The following SLC2A13 variants were observed in gnomAD, a reference collection of about 807,000 sequenced individuals.
SLC2A13 encodes the protein solute carrier family 2 member 13.
Under a neutral mutation model 64.4 loss-of-function variants are expected in SLC2A13, and 32 were observed. The ratio of observed to expected loss-of-function variants is 0.50; its 90% CI spans 0.37 to 0.67. The LOEUF is 0.67. Ranked by LOEUF, SLC2A13 falls within the 30% of genes least tolerant of loss-of-function variation. The pLI, the probability that SLC2A13 is intolerant of heterozygous loss-of-function variation, is 0.00. For synonymous variants in SLC2A13, 338 were observed against 327.1 expected (o/e 1.03, Z -0.36); for missense variants, 743 against 829.2 (o/e 0.90, Z 1.28).
chr12:39,852,255 C>A (rs1273669658), intron 6 of SLC2A13, among the ~76,000 whole-genome samples: 1 of 152,208 alleles, frequency 6.6e-6, no homozygotes, highest in African/African-American at 2.4e-5. Flanking sequence ...GGACCCGTCT[C>A]TGGTATTGTT....
intron 1 of SLC2A13, among the ~76,000 whole-genome samples, chr12:40,061,419 T>C (rs1948420019): frequency 1.3e-5 from 2 of 152,020 alleles, no homozygotes; most frequent in African/African-American, 4.8e-5. Flanking sequence ...GCCATATTAA[T>C]CCAGACAACA....
At chr12:40,036,521 T>C (rs568605824) in intron 2 of SLC2A13, among the ~76,000 whole-genome samples, 24 of 152,320 alleles carry the variant, frequency 1.6e-4, no homozygotes, top group African/African-American at 4.1e-4. Flanking sequence ...TCTGACCCCA[T>C]TGCACATTGA....
chr12:39,989,968 C>CA (rs1342300865), intron 3 of SLC2A13, among the ~76,000 whole-genome samples: 17 of 152,130 alleles, frequency 1.1e-4, no homozygotes, highest in African/African-American at 1.2e-4. Flanking sequence ...TTTTTGGCCA[C>CA]AAAATCACAA....
intron 3 of SLC2A13, among the ~76,000 whole-genome samples, chr12:39,987,628 GT>G (rs1173748154): frequency 6.6e-6 from 1 of 152,104 alleles, no homozygotes; most frequent in Admixed American, 6.5e-5. Flanking sequence ...TTTATACACT[GT>G]TTTTTCTTAA....
Position 40,105,067 on chromosome 12 carries a change from C to G in SLC2A13, c.556+186G>C, listed in dbSNP as rs1448616158. Among the ~76,000 whole-genome samples the G allele has an allele frequency of 6.6e-5, 10 of 152,134 alleles. No homozygotes were observed. The highest frequency in any genetic ancestry group is 4.4e-5 in the Non-Finnish European group (3 of 68,010). ...TGACACCCCCTCCCCCCCGACCCTC[C>G]CACCTCCCGGGAGAGCCTTGGAGGC... On this transcript the variant is annotated intron_variant, in intron 1 of 9. Transcript: ENST00000280871. The surrounding 1 kb of genome is among the most constrained non-coding windows in gnomAD (Gnocchi z 4.2).
intron 7 of SLC2A13, among the ~76,000 whole-genome samples, chr12:39,775,982 G>C (rs1395594635): frequency 6.6e-6 from 1 of 152,128 alleles, no homozygotes; most frequent in Non-Finnish European, 1.5e-5. Context: ...GGAGCATTTT[G>C]GATTTTAGAT....
intron 1 of SLC2A13, among the ~76,000 whole-genome samples, chr12:40,098,558 T>C (rs929218769): frequency 3.3e-5 from 5 of 152,348 alleles, no homozygotes; most frequent in Middle Eastern, 3.4e-3. Context: ...TGACATATCA[T>C]GGTAAAGAAC....
At chr12:39,780,284 T>A (rs1430622416) in intron 7 of SLC2A13, among the ~76,000 whole-genome samples, 2 of 152,186 alleles carry the variant, frequency 1.3e-5, no homozygotes, top group Non-Finnish European at 2.9e-5. Context: ...TCTGTCTCTT[T>A]CTCCTTCAAC....
At chr12:39,861,734 G>A (rs149113583) in intron 6 of SLC2A13, among the ~76,000 whole-genome samples, 108 of 152,256 alleles carry the variant, frequency 7.1e-4, no homozygotes, top group Non-Finnish European at 1.1e-3. Flanking sequence ...TCATGCTAGC[G>A]TTATTTCTTC....
At chr12:39,783,188 A>T (rs762122948) in intron 7 of SLC2A13, among the ~76,000 whole-genome samples, 10 of 152,186 alleles carry the variant, frequency 6.6e-5, no homozygotes, top group Non-Finnish European at 1.2e-4. Flanking sequence ...TGTCCCTACG[A>T]AGGACATGAA....
chr12:39,855,549 G>C (rs942928250), intron 6 of SLC2A13, among the ~76,000 whole-genome samples: 4 of 152,132 alleles, frequency 2.6e-5, no homozygotes, highest in African/African-American at 9.7e-5. Flanking sequence ...CCTCATAGCT[G>C]TGAGCTCCAT....
chr12:39,769,388 A>G (rs1395113020), intron 7 of SLC2A13, among the ~76,000 whole-genome samples: 1 of 152,130 alleles, frequency 6.6e-6, no homozygotes. Flanking sequence ...AGGACTTGAT[A>G]CATTTGAATC....
intron 2 of SLC2A13, among the ~76,000 whole-genome samples, chr12:40,037,073 C>A (rs1173927252): frequency 6.6e-6 from 1 of 152,118 alleles, no homozygotes; most frequent in Non-Finnish European, 1.5e-5. Context: ...CTAAACCAAC[C>A]AACCTTCCTG....
intron 6 of SLC2A13, among the ~76,000 whole-genome samples, chr12:39,859,110 C>T (rs73274668): frequency 0.072 from 10,885 of 151,934 alleles, 861 homozygotes; most frequent in African/African-American, 0.2. Context: ...TTCACAAAAC[C>T]AGTGTCACCA....
At chr12:40,066,009 T>C (rs1937703311) in intron 1 of SLC2A13, among the ~76,000 whole-genome samples, 2 of 152,236 alleles carry the variant, frequency 1.3e-5, no homozygotes, top group Admixed American at 1.3e-4. Flanking sequence ...AAAGTATTTA[T>C]ACTTGGCACA....
chr12:40,048,263 C>A, intron 1 of SLC2A13, 53 bp from the exon 2 acceptor site: 1 of 1,531,046 alleles, frequency 6.5e-7, no homozygotes, highest in Non-Finnish European at 8.8e-7. Context: ...ATTTCTGTTG[C>A]AATAAATACT....
At chr12:39,914,876 G>C (rs113477779) in intron 4 of SLC2A13, among the ~76,000 whole-genome samples, 1 of 151,816 alleles carries the variant, frequency 6.6e-6, no homozygotes. Context: ...GTATCTTTAC[G>C]ACTTCAGTGA....
At chr12:39,822,497 C>G (rs1390696523) in intron 7 of SLC2A13, among the ~76,000 whole-genome samples, 2 of 152,116 alleles carry the variant, frequency 1.3e-5, no homozygotes, top group Non-Finnish European at 2.9e-5. Context: ...TTCTCTTGTT[C>G]TCATTACTTT....
intron 4 of SLC2A13, among the ~76,000 whole-genome samples, chr12:39,921,268 G>C (rs1945611240): frequency 6.6e-6 from 1 of 152,118 alleles, no homozygotes; most frequent in African/African-American, 2.4e-5. Flanking sequence ...TCCTTCTGTT[G>C]CTAGAAAATG....
Sources: gnomAD v4.1 joint callset for allele counts (sites outside exome capture counted in the v4.1 genomes callset) on GRCh38, gnomAD v4.1.1 for gene constraint, Gnocchi (gnomAD v3.1) non-coding constraint, MANE v1.5 for transcripts, NCBI Gene and HGNC (gene_info 2026-07-23, HGNC 2026-07-21) for gene names.